The following CIRSR variants were observed in gnomAD, a reference collection of about 807,000 sequenced individuals.
CIRSR encodes the protein CBF1 (RBPJ) interacting corepressor 1.
the CIRSR span, among the ~76,000 whole-genome samples, chr2:174,354,050 T>C: frequency 7.9e-5 from 12 of 152,192 alleles, no homozygotes; most frequent in African/African-American, 2.2e-4. Flanking sequence ...TTTAATAAGA[T>C]GTTATAGAAA....
the CIRSR span, among the ~76,000 whole-genome samples, chr2:174,359,265 G>A: frequency 6.6e-6 from 1 of 151,608 alleles, no homozygotes; most frequent in African/African-American, 2.4e-5. Context: ...TCTTGTCAGG[G>A]ATGTTGGTTA....
At chr2:174,387,596 C>CA in the CIRSR span, 1 of 1,407,408 alleles carries the variant, frequency 7.1e-7, no homozygotes. Context: ...TATTTGATTC[C>CA]AAAAAACTGA....
chr2:174,364,640 T>C, the CIRSR span, among the ~76,000 whole-genome samples: 2 of 152,194 alleles, frequency 1.3e-5, no homozygotes, highest in Non-Finnish European at 2.9e-5. Flanking sequence ...AAATCTCAAT[T>C]CTTGACTTCT....
the CIRSR span, among the ~76,000 whole-genome samples, chr2:174,390,511 G>C: frequency 6.6e-6 from 1 of 152,192 alleles, no homozygotes; most frequent in East Asian, 1.9e-4. Flanking sequence ...TCTTACATGA[G>C]ACTTTGGACT....
the CIRSR span, among the ~76,000 whole-genome samples, chr2:174,354,898 G>A: frequency 6.8e-5 from 10 of 147,246 alleles, no homozygotes; most frequent in South Asian, 1.1e-3. Flanking sequence ...CACTGCACCC[G>A]GCCACTATCC....
the CIRSR span, among the ~76,000 whole-genome samples, chr2:174,374,347 G>A: frequency 3.9e-3 from 588 of 152,124 alleles, 5 homozygotes; most frequent in African/African-American, 0.014. Flanking sequence ...AGAGCCTTAC[G>A]TAATACTGTA....
chr2:174,353,485 T>A, the CIRSR span, among the ~76,000 whole-genome samples: 1 of 152,226 alleles, frequency 6.6e-6, no homozygotes, highest in African/African-American at 2.4e-5. Context: ...TGTGTGTGTG[T>A]GAGATGGAGT....
chr2:174,368,542 G>C, the CIRSR span, among the ~76,000 whole-genome samples: 1 of 152,188 alleles, frequency 6.6e-6, no homozygotes, highest in Admixed American at 6.5e-5. Flanking sequence ...AAAATGGCTG[G>C]GCGTGGTGGC....
chr2:174,375,053 G>C, the CIRSR span, among the ~76,000 whole-genome samples: 1 of 152,088 alleles, frequency 6.6e-6, no homozygotes, highest in African/African-American at 2.4e-5. Context: ...CTAGAACAAG[G>C]CCTGGCACAG....
chr2:174,369,946 T>C, the CIRSR span: 2 of 1,359,830 alleles, frequency 1.5e-6, no homozygotes, highest in South Asian at 1.2e-5. Context: ...CACATACGGT[T>C]GGAAAACTGG....
the CIRSR span, among the ~76,000 whole-genome samples, chr2:174,366,507 A>C: frequency 6.6e-6 from 1 of 152,220 alleles, no homozygotes; most frequent in African/African-American, 2.4e-5. Context: ...AAAATGGAGG[A>C]ATTTTTTGCC....
chr2:174,377,637 G>A, the CIRSR span, among the ~76,000 whole-genome samples: 8 of 151,720 alleles, frequency 5.3e-5, no homozygotes, highest in East Asian at 5.8e-4. Context: ...AGGCAACATG[G>A]CAAAACCCTA....
chr2:174,385,453 G>A, the CIRSR span, among the ~76,000 whole-genome samples: 1 of 152,028 alleles, frequency 6.6e-6, no homozygotes, highest in Admixed American at 6.6e-5. Flanking sequence ...ACCAAACCTA[G>A]AAGTAATAAT....
the CIRSR span, among the ~76,000 whole-genome samples, chr2:174,371,351 A>G: frequency 6.6e-6 from 1 of 152,366 alleles, no homozygotes; most frequent in East Asian, 1.9e-4. Context: ...AAAAATGTTT[A>G]ATTTAAATAT....
the CIRSR span, among the ~76,000 whole-genome samples, chr2:174,373,689 T>C: frequency 1.1e-3 from 171 of 152,122 alleles, no homozygotes; most frequent in African/African-American, 3.9e-3. Flanking sequence ...GACTTTGCCA[T>C]TCCCCTAGGG....
chr2:174,394,742 CA>C, the CIRSR span, among the ~76,000 whole-genome samples: 1 of 152,110 alleles, frequency 6.6e-6, no homozygotes, highest in East Asian at 1.9e-4. Context: ...GTTCTAAAAA[CA>C]AATAAAAGCT....
the CIRSR span, among the ~76,000 whole-genome samples, chr2:174,385,735 C>A: frequency 6.6e-6 from 1 of 151,718 alleles, no homozygotes. Context: ...AAATAAGTAA[C>A]AATAGTATTA....
chr2:174,391,732 A>G, the CIRSR span, among the ~76,000 whole-genome samples: 1 of 152,246 alleles, frequency 6.6e-6, no homozygotes, highest in African/African-American at 2.4e-5. Context: ...GCTTAAAAAA[A>G]GACAATTCTA....
At chr2:174,348,620 A>T in the CIRSR span, 1 of 1,614,010 alleles carries the variant, frequency 6.2e-7, no homozygotes, top group Non-Finnish European at 8.5e-7. Flanking sequence ...CTTCACCAGG[A>T]TTTCGCTGTG....
Sources: gnomAD v4.1 joint callset for allele counts (sites outside exome capture counted in the v4.1 genomes callset) on GRCh38, gnomAD v4.1.1 for gene constraint, MANE v1.5 for transcripts, NCBI Gene and HGNC (gene_info 2026-07-23, HGNC 2026-07-21) for gene names.